GPC3: variants seen among roughly 807,000 people sequenced by gnomAD.
The protein encoded by GPC3 is glypican 3.
A neutral mutation model predicts 34.4 loss-of-function variants in GPC3; 3 were observed. The ratio of observed to expected loss-of-function variants is 0.09; its 90% CI spans 0.04 to 0.23. The LOEUF (loss-of-function observed/expected upper bound fraction) is 0.23. GPC3 is among the 10% of genes least tolerant of loss of function. The probability of loss-of-function intolerance (pLI) is 1.00; values close to 1 mark genes in which losing one functional copy is unlikely to be tolerated. For missense variants in GPC3, 351 were observed against 445.6 expected (o/e 0.79, Z 1.91); for synonymous variants, 177 against 174.0 (o/e 1.02, Z -0.13).
chrX:133,927,005 G>T (rs767574763), intron 2 of GPC3, among the ~76,000 whole-genome samples: 1 of 110,920 alleles, frequency 9.0e-6, no homozygotes, highest in South Asian at 3.9e-4. Context: ...GTGAACTACG[G>T]AAAGGACTGG....
rs35287205 is a variant in GPC3, at chrX:133,890,860, C to CAA, written c.337+62188_337+62189dup. Among the ~76,000 whole-genome samples, 51 of 48,935 alleles carry CAA rather than the reference C, an allele frequency of 1.0e-3. 1 individual carries two copies. Among genetic ancestry groups the CAA allele is most frequent in the African/African-American group, 3.2e-3 (42 of 12,993 alleles). The allele number at this position is 48,935 out of a possible 115,157, so 42.5% of individuals were successfully genotyped here. ...GGACAACAAGAGCGAAACTCCATCT[C>CAA]AAAAAAAAAAAAAAAAAAATTAGTT... On this transcript the variant is annotated intron_variant, in intron 2 of 7. Transcript: ENST00000370818.
At chrX:133,541,049 A>T (rs1444870677) in intron 7 of GPC3, among the ~76,000 whole-genome samples, 1 of 109,699 alleles carries the variant, frequency 9.1e-6, no homozygotes, top group Admixed American at 9.9e-5. Context: ...AAGTAAAACT[A>T]TTCTGTGAGC....
intron 2 of GPC3, among the ~76,000 whole-genome samples, chrX:133,779,135 T>C (rs981766216): frequency 3.6e-5 from 4 of 112,010 alleles, no homozygotes; most frequent in Admixed American, 2.8e-4. Context: ...ATTGACACTT[T>C]CCTTCCTAAA....
intron 2 of GPC3, among the ~76,000 whole-genome samples, chrX:133,886,224 C>T (rs1161216256): frequency 9.1e-6 from 1 of 109,340 alleles, no homozygotes; most frequent in African/African-American, 3.3e-5. Flanking sequence ...AACTCAGATT[C>T]GGGGCTGGGT....
intron 6 of GPC3, among the ~76,000 whole-genome samples, chrX:133,651,405 A>G (rs1213657610): frequency 9.0e-6 from 1 of 110,764 alleles, no homozygotes; most frequent in African/African-American, 3.3e-5. Context: ...TATTTGGGGG[A>G]TATTGTTTTG....
chrX:133,793,698 C>G (rs771712496), intron 2 of GPC3, among the ~76,000 whole-genome samples: 1 of 111,905 alleles, frequency 8.9e-6, no homozygotes, highest in Non-Finnish European at 1.9e-5. Context: ...AGCTTCAGAA[C>G]CAGATCACTG....
chrX:133,647,906 G>A (rs2070559941), intron 6 of GPC3, among the ~76,000 whole-genome samples: 1 of 112,128 alleles, frequency 8.9e-6, no homozygotes, highest in Non-Finnish European at 1.9e-5. Flanking sequence ...CATTCATCAG[G>A]GAATCTAAAT....
At chrX:133,741,790 TGTC>T (rs2071566336) in intron 3 of GPC3, among the ~76,000 whole-genome samples, 1 of 113,154 alleles carries the variant, frequency 8.8e-6, no homozygotes, top group Non-Finnish European at 1.9e-5. Flanking sequence ...TAATCACTCT[TGTC>T]ATCATCTTCC....
intron 3 of GPC3, among the ~76,000 whole-genome samples, chrX:133,739,537 G>C (rs977440503): frequency 2.7e-5 from 3 of 111,249 alleles, no homozygotes; most frequent in Admixed American, 1.9e-4. Flanking sequence ...CTAAGAAAAA[G>C]AACAGCTGAA....
chrX:133,739,701 A>AAAAAC (rs1312810424), intron 3 of GPC3, among the ~76,000 whole-genome samples: 1 of 110,051 alleles, frequency 9.1e-6, no homozygotes, highest in Admixed American at 9.6e-5. Flanking sequence ...AAACAAAAAC[A>AAAAAC]AAAACAAAAC....
chrX:133,775,444 G>A (rs2071969469), intron 2 of GPC3, among the ~76,000 whole-genome samples: 1 of 111,558 alleles, frequency 9.0e-6, no homozygotes, highest in Admixed American at 9.5e-5. Context: ...ATGTCTCAGC[G>A]ATACATTCAA....
intron 2 of GPC3, among the ~76,000 whole-genome samples, chrX:133,909,000 G>A (rs2076183590): frequency 8.9e-6 from 1 of 112,037 alleles, no homozygotes; most frequent in Non-Finnish European, 1.9e-5. Flanking sequence ...CCAGCTTTGC[G>A]ATATCTGCAA....
At chrX:133,634,152 G>A (rs1174748878) in intron 6 of GPC3, among the ~76,000 whole-genome samples, 2 of 111,769 alleles carry the variant, frequency 1.8e-5, no homozygotes, top group East Asian at 5.6e-4. Context: ...CCACCAGAAA[G>A]TCTATAATCA....
intron 5 of GPC3, among the ~76,000 whole-genome samples, chrX:133,662,375 C>T (rs928704889): frequency 2.7e-5 from 3 of 112,180 alleles, no homozygotes; most frequent in Non-Finnish European, 5.6e-5. Context: ...TCTCAAATCA[C>T]TTTCACCATA....
intron 6 of GPC3, among the ~76,000 whole-genome samples, chrX:133,632,561 G>A (rs1454060707): frequency 8.9e-6 from 1 of 111,869 alleles, no homozygotes; most frequent in Non-Finnish European, 1.9e-5. Context: ...GATGATGATG[G>A]ATGAATGGAT....
At chrX:133,676,462 G>T (rs1333958990) in intron 5 of GPC3, among the ~76,000 whole-genome samples, 1 of 112,279 alleles carries the variant, frequency 8.9e-6, no homozygotes, top group Non-Finnish European at 1.9e-5. Flanking sequence ...GCCTTACCCT[G>T]CCACTCTCAA....
chrX:133,874,567 C>T (rs1304729103), intron 2 of GPC3, among the ~76,000 whole-genome samples: 2 of 111,953 alleles, frequency 1.8e-5, no homozygotes, highest in Non-Finnish European at 3.8e-5. Flanking sequence ...TTCAGTTACA[C>T]ATGTCAGTAG....
At chrX:133,980,719 T>C in intron 1 of GPC3, among the ~76,000 whole-genome samples, 1 of 112,547 alleles carries the variant, frequency 8.9e-6, no homozygotes, top group East Asian at 2.8e-4. Context: ...AAGATAACTC[T>C]TAAGACCCAT....
chrX:133,832,254 T>C (rs1211961173), intron 2 of GPC3, among the ~76,000 whole-genome samples: 3 of 110,553 alleles, frequency 2.7e-5, no homozygotes, highest in Non-Finnish European at 5.7e-5. Flanking sequence ...CACTCCAGCC[T>C]GGGTGATGGA....
Sources: allele counts gnomAD v4.1 joint callset (sites outside exome capture counted in the v4.1 genomes callset), GRCh38; gene constraint gnomAD v4.1.1; transcripts MANE v1.5; gene names NCBI Gene and HGNC (gene_info 2026-07-23, HGNC 2026-07-21).